FRMD4A: variants seen among roughly 807,000 people sequenced by gnomAD.
FRMD4A encodes the protein FERM domain containing 4A, also known as FERM domain-containing protein 4A.
A neutral mutation model predicts 129.1 loss-of-function variants in FRMD4A; 29 were observed. The observed-to-expected ratio is 0.22, with a 90% confidence interval of 0.17 to 0.31. The LOEUF (loss-of-function observed/expected upper bound fraction) is 0.31. Among genes scored for constraint, FRMD4A ranks in the 10% least tolerant of loss-of-function variants. FRMD4A has a pLI of 1.00. For missense variants in FRMD4A, 1,272 were observed against 1,375.8 expected, an observed-to-expected ratio of 0.92 and a Z score of 1.19; for synonymous variants, 634 against 571.6, an observed-to-expected ratio of 1.11 and a Z score of -1.56.
At chr10:14,185,600 T>C (rs553541733) in intron 2 of FRMD4A, among the ~76,000 whole-genome samples, 1 of 144,240 alleles carries the variant, frequency 6.9e-6, no homozygotes, top group African/African-American at 2.5e-5. Context: ...GAGAAACAGG[T>C]AGAGAGACAG....
intron 14 of FRMD4A, among the ~76,000 whole-genome samples, chr10:13,696,910 C>T (rs938572589): frequency 6.6e-6 from 1 of 152,128 alleles, no homozygotes; most frequent in East Asian, 1.9e-4. Flanking sequence ...TATGTAAAGG[C>T]CATCGTAATA....
At chr10:13,832,095 G>A (rs1037229625) in intron 3 of FRMD4A, among the ~76,000 whole-genome samples, 3 of 152,124 alleles carry the variant, frequency 2.0e-5, no homozygotes, top group Non-Finnish European at 2.9e-5. Context: ...GGGCTCTGAT[G>A]ATCAATTACA....
chr10:13,765,419 T>C (rs2092253801), intron 6 of FRMD4A, among the ~76,000 whole-genome samples: 1 of 152,006 alleles, frequency 6.6e-6, no homozygotes, highest in Non-Finnish European at 1.5e-5. Flanking sequence ...GCCCGGCCGA[T>C]TCATGGATTT....
intron 2 of FRMD4A, among the ~76,000 whole-genome samples, chr10:14,240,222 C>G (rs561066985): frequency 1.7e-4 from 26 of 152,178 alleles, no homozygotes; most frequent in Non-Finnish European, 1.0e-4. Context: ...TAAATCTAAC[C>G]CTGTCACACA....
At chr10:13,786,551 A>T (rs537567795) in intron 5 of FRMD4A, among the ~76,000 whole-genome samples, 92 of 152,330 alleles carry the variant, frequency 6.0e-4, no homozygotes, top group African/African-American at 2.2e-3. Flanking sequence ...GGTTGCAGTC[A>T]GCTGAGATCA....
chr10:14,322,669 T>C (rs934269345), intron 2 of FRMD4A, among the ~76,000 whole-genome samples: 5 of 152,200 alleles, frequency 3.3e-5, no homozygotes, highest in Admixed American at 3.3e-4. Context: ...GCAACAGAAG[T>C]TGCAGGCCAG....
chr10:14,072,412 C>A (rs1835359054), intron 2 of FRMD4A, among the ~76,000 whole-genome samples: 1 of 152,176 alleles, frequency 6.6e-6, no homozygotes, highest in African/African-American at 2.4e-5. Context: ...TATCCTCCGT[C>A]CTTCTACTTT....
intron 2 of FRMD4A, among the ~76,000 whole-genome samples, chr10:14,166,474 T>C (rs1386890060): frequency 6.6e-6 from 1 of 152,218 alleles, no homozygotes; most frequent in African/African-American, 2.4e-5. Flanking sequence ...AGCACAGCTT[T>C]GTTTTATCTG....
intron 12 of FRMD4A, among the ~76,000 whole-genome samples, chr10:13,717,990 A>G (rs1486556968): frequency 6.6e-6 from 1 of 152,254 alleles, no homozygotes; most frequent in East Asian, 1.9e-4. Flanking sequence ...GCAAAAAAAG[A>G]AAAAAGCAAG....
intron 16 of FRMD4A, among the ~76,000 whole-genome samples, chr10:13,673,353 G>A (rs1176756727): frequency 6.6e-6 from 1 of 152,174 alleles, no homozygotes; most frequent in Non-Finnish European, 1.5e-5. Context: ...AATGTAATGT[G>A]ATCTCACTCC....
At chr10:14,020,456 A>T (rs1439423256) in intron 2 of FRMD4A, among the ~76,000 whole-genome samples, 1 of 152,226 alleles carries the variant, frequency 6.6e-6, no homozygotes, top group African/African-American at 2.4e-5. Flanking sequence ...ACCCAAGGCT[A>T]ATGGGCTTCT....
At chr10:13,769,617 GCCCAGATTA>G (rs2092395505) in intron 6 of FRMD4A, among the ~76,000 whole-genome samples, 1 of 152,066 alleles carries the variant, frequency 6.6e-6, no homozygotes, top group Non-Finnish European at 1.5e-5. Context: ...GCCCCGAGTT[GCCCAGATTA>G]AACAGTTTCT....
In FRMD4A at chr10:13,967,066, G is replaced by A. The variant is rs59207628; in HGVS notation, c.46-108154C>T. Among the ~76,000 whole-genome samples, 745 of 152,274 alleles carry A rather than the reference G, an allele frequency of 4.9e-3. 10 individuals are homozygous for A. Among genetic ancestry groups the A allele is most frequent in the African/African-American group, 0.017 (713 of 41,562 alleles). ...AAGAATGACACAACGGGCCGGGCGCGGTGGCTCACGCCTGTAATCCCAGCA... is the reference window on the plus strand; with the variant it reads ...AAGAATGACACAACGGGCCGGGCGCAGTGGCTCACGCCTGTAATCCCAGCA... On this transcript the variant is annotated intron_variant, in intron 2 of 24. Transcript: ENST00000357447.
intron 2 of FRMD4A, among the ~76,000 whole-genome samples, chr10:13,865,749 T>C (rs1175648342): frequency 6.6e-6 from 1 of 152,132 alleles, no homozygotes; most frequent in Non-Finnish European, 1.5e-5. Context: ...AGCATTTTTA[T>C]AGAAATGTAA....
intron 3 of FRMD4A, among the ~76,000 whole-genome samples, chr10:13,856,051 T>TATC (rs1373903712): frequency 6.6e-6 from 1 of 150,944 alleles, no homozygotes; most frequent in Non-Finnish European, 1.5e-5. Flanking sequence ...TCTATCTATC[T>TATC]ATCTATCTAT....
At chr10:13,703,744 A>G (rs947593922) in intron 13 of FRMD4A, among the ~76,000 whole-genome samples, 5 of 152,220 alleles carry the variant, frequency 3.3e-5, no homozygotes, top group Non-Finnish European at 7.3e-5. Context: ...AGGACTTGCA[A>G]TGATACCAAC....
chr10:14,203,732 C>T (rs1220642319), intron 2 of FRMD4A, among the ~76,000 whole-genome samples: 2 of 152,204 alleles, frequency 1.3e-5, no homozygotes, highest in Non-Finnish European at 2.9e-5. Flanking sequence ...CCCATGTCTG[C>T]ATCTATTGGG....
intron 2 of FRMD4A, among the ~76,000 whole-genome samples, chr10:14,211,222 C>A (rs115860862): frequency 2.8e-4 from 43 of 152,248 alleles, no homozygotes; most frequent in African/African-American, 1.0e-3. Flanking sequence ...TGTATTAGCT[C>A]TATTCTAAGC....
chr10:14,047,079 G>A (rs1423483909), intron 2 of FRMD4A, among the ~76,000 whole-genome samples: 4 of 152,210 alleles, frequency 2.6e-5, no homozygotes, highest in Admixed American at 1.3e-4. Flanking sequence ...ATGACTCTCT[G>A]TGAGGCATGG....
Sources: allele counts gnomAD v4.1 joint callset (sites outside exome capture counted in the v4.1 genomes callset), GRCh38; gene constraint gnomAD v4.1.1; transcripts MANE v1.5; gene names NCBI Gene and HGNC (gene_info 2026-07-23, HGNC 2026-07-21).